Variants in SGCD observed in about 807,000 individuals in gnomAD.
SGCD encodes delta-sarcoglycan.
SGCD carries 18 observed loss-of-function variants against 36.6 expected under a neutral mutation model. The observed-to-expected ratio is 0.49, with a 90% CI of 0.34 to 0.73. The LOEUF (loss-of-function observed/expected upper bound fraction) is 0.73, where lower values mean the gene tolerates loss of function less well. Among genes scored for constraint, SGCD ranks in the 30% least tolerant of loss-of-function variants. The probability of loss-of-function intolerance (pLI) is 0.01; values close to 1 mark genes in which losing one functional copy is unlikely to be tolerated. For missense variants in SGCD, 387 were observed against 346.7 expected, an observed-to-expected ratio of 1.12 and a Z score of -0.92; for synonymous variants, 133 against 130.6, an observed-to-expected ratio of 1.02 and a Z score of -0.12.
intron 6 of SGCD, among the ~76,000 whole-genome samples, chr5:156,606,829 C>G (rs1761482322): frequency 6.6e-6 from 1 of 152,188 alleles, no homozygotes; most frequent in African/African-American, 2.4e-5. Context: ...GAAGTTCACT[C>G]ATGATTTGGC....
the SGCD span, among the ~76,000 whole-genome samples, chr5:155,824,427 T>C: frequency 6.6e-6 from 1 of 152,246 alleles, no homozygotes; most frequent in African/African-American, 2.4e-5. Flanking sequence ...AGATAAAAGT[T>C]GGCAGATATT....
intron 3 of SGCD, among the ~76,000 whole-genome samples, chr5:156,419,475 T>C (rs933632459): frequency 5.3e-5 from 8 of 152,138 alleles, no homozygotes; most frequent in African/African-American, 1.7e-4. Flanking sequence ...TCCATCACCT[T>C]CTTTTTTAGA....
At chr5:156,177,041 GC>G (rs1763492191) in intron 3 of SGCD, among the ~76,000 whole-genome samples, 4 of 152,166 alleles carry the variant, frequency 2.6e-5, no homozygotes, top group Admixed American at 2.6e-4. Flanking sequence ...TTGCTCTGTT[GC>G]CCAGGCTGGA....
intron 3 of SGCD, among the ~76,000 whole-genome samples, chr5:156,500,533 G>T (rs6880345): frequency 6.6e-6 from 1 of 152,050 alleles, no homozygotes; most frequent in Non-Finnish European, 1.5e-5. Flanking sequence ...TTAAAAACCC[G>T]TCCAATGCTG....
chr5:155,870,039 T>G (rs193207439), upstream of SGCD, among the ~76,000 whole-genome samples: 1 of 152,216 alleles, frequency 6.6e-6, no homozygotes, highest in African/African-American at 2.4e-5. Flanking sequence ...AAGGGAACCG[T>G]CTTGCATGAT....
chr5:156,679,508 G>A (rs1753643682), intron 7 of SGCD, among the ~76,000 whole-genome samples: 1 of 152,184 alleles, frequency 6.6e-6, no homozygotes, highest in Non-Finnish European at 1.5e-5. Context: ...ATGCACAGCT[G>A]TATGGAGCCC....
chr5:156,554,585 A>ATG (rs1758938244), intron 4 of SGCD, among the ~76,000 whole-genome samples: 1 of 149,632 alleles, frequency 6.7e-6, no homozygotes, highest in Admixed American at 6.7e-5. Flanking sequence ...AAGTATGCAT[A>ATG]TGTGTATATA....
intron 3 of SGCD, among the ~76,000 whole-genome samples, chr5:156,252,509 T>A (rs1316455802): frequency 6.6e-6 from 1 of 152,226 alleles, no homozygotes; most frequent in Admixed American, 6.5e-5. Context: ...TAATTATAGG[T>A]TTAATTGTCA....
chr5:155,940,047 G>A (rs1757291897), intron 1 of SGCD, among the ~76,000 whole-genome samples: 1 of 151,974 alleles, frequency 6.6e-6, no homozygotes, highest in Non-Finnish European at 1.5e-5. Context: ...TGGTCAGGCT[G>A]GTCTTGAACT....
At chr5:156,462,601 A>AG (rs1406665942) in intron 3 of SGCD, among the ~76,000 whole-genome samples, 1 of 152,206 alleles carries the variant, frequency 6.6e-6, no homozygotes, top group East Asian at 1.9e-4. Flanking sequence ...TATGTATAGA[A>AG]GAGGATTAAG....
chr5:155,967,271 G>A (rs1023324011), intron 1 of SGCD, among the ~76,000 whole-genome samples: 1 of 151,992 alleles, frequency 6.6e-6, no homozygotes, highest in Non-Finnish European at 1.5e-5. Context: ...ATCATCTTGA[G>A]CCCTCAGTTT....
At position 156,748,871 on chromosome 5, in the gene SGCD, C is replaced by T. The variant is rs186928821; in HGVS notation, c.576-8710C>T. On this transcript the variant is annotated intron_variant, in intron 7 of 8. Transcript: ENST00000337851. ...GCAGTGGTGTGATTTCAGCTCATTG[C>T]AGCCTCCTTTTCCCTCTGGGGTAGC... Among the ~76,000 whole-genome samples the T allele has an allele frequency of 2.3e-3, 353 of 152,238 alleles. 2 individuals are homozygous for T. Among genetic ancestry groups the T allele is most frequent in the African/African-American group, 8.3e-3 (343 of 41,548 alleles).
At chr5:155,853,546 G>A in the SGCD span, among the ~76,000 whole-genome samples, 1 of 152,012 alleles carries the variant, frequency 6.6e-6, no homozygotes, top group Non-Finnish European at 1.5e-5. Flanking sequence ...TTTTGCTCTT[G>A]CGCCTTTAAA....
At chr5:155,873,817 C>T (rs1430208604) in intron 1 of SGCD, among the ~76,000 whole-genome samples, 1 of 152,146 alleles carries the variant, frequency 6.6e-6, no homozygotes, top group Non-Finnish European at 1.5e-5. Context: ...AAAAGTACTT[C>T]TAAAAGGAAG....
At chr5:155,905,614 T>C (rs1756491163) in intron 1 of SGCD, among the ~76,000 whole-genome samples, 1 of 152,182 alleles carries the variant, frequency 6.6e-6, no homozygotes. Flanking sequence ...GGTTTGGCTG[T>C]GTCCCCAGCC....
At chr5:156,368,511 G>A (rs1304267525) in intron 3 of SGCD, among the ~76,000 whole-genome samples, 1 of 152,094 alleles carries the variant, frequency 6.6e-6, no homozygotes, top group Non-Finnish European at 1.5e-5. Flanking sequence ...TTTGTTACTT[G>A]CAGTACATTT....
chr5:156,072,078 T>C (rs1450908948), intron 1 of SGCD, among the ~76,000 whole-genome samples: 1 of 152,192 alleles, frequency 6.6e-6, no homozygotes, highest in Non-Finnish European at 1.5e-5. Context: ...TCTTGACTCT[T>C]TATCCAATTT....
intron 3 of SGCD, among the ~76,000 whole-genome samples, chr5:156,147,759 A>G (rs1762738730): frequency 6.6e-6 from 1 of 152,220 alleles, no homozygotes; most frequent in Admixed American, 6.5e-5. Context: ...AAGTTGTCCA[A>G]TAAATAACTG....
chr5:156,513,504 T>C (rs1355130693), intron 4 of SGCD, among the ~76,000 whole-genome samples: 2 of 152,248 alleles, frequency 1.3e-5, no homozygotes, highest in Non-Finnish European at 2.9e-5. Flanking sequence ...TTCCATTTTA[T>C]GGGGTATCAC....
Sources: allele counts gnomAD v4.1 joint callset (sites outside exome capture counted in the v4.1 genomes callset), GRCh38; gene constraint gnomAD v4.1.1; transcripts MANE v1.5; gene names NCBI Gene and HGNC (gene_info 2026-07-23, HGNC 2026-07-21).